The following MCF2L variants were observed in gnomAD, a reference collection of about 807,000 sequenced individuals.
MCF2L encodes guanine nucleotide exchange factor DBS.
MCF2L carries 97 observed loss-of-function variants against 153.4 expected under a neutral mutation model. The ratio of observed to expected loss-of-function variants is 0.63; its 90% CI spans 0.54 to 0.75. The LOEUF is 0.75. Among genes scored for constraint, MCF2L ranks in the 30% least tolerant of loss-of-function variants. The pLI, the probability that MCF2L is intolerant of heterozygous loss-of-function variation, is 0.00. For synonymous variants in MCF2L, 659 were observed against 632.2 expected (o/e 1.04, Z -0.64); for missense variants, 1,347 against 1,495.2 (o/e 0.90, Z 1.64).
At position 113,064,092 on chromosome 13, in the gene MCF2L, G is replaced by A. The variant is rs538893896; in HGVS notation, c.490-212G>A. ...ATCATAAGGGCCATAACACACACAC[G>A]CCACCACGAGAGGAGGTGTCGGCGG... is the stretch of plus-strand genomic sequence containing the variant. On this transcript the variant is annotated intron_variant, in intron 5 of 29. Coordinates refer to ENST00000535094, the MANE Select transcript of MCF2L (RefSeq NM_001112732.3). This position sits in a 1 kb window ranked among gnomAD's most constrained non-coding sequence, Gnocchi z 6.0. Among the ~76,000 whole-genome samples, 87 of 152,278 alleles carry A rather than the reference G, an allele frequency of 5.7e-4. 1 individual carries two copies. The highest frequency in any genetic ancestry group is 5.6e-4 in the Non-Finnish European group (38 of 68,024).
In MCF2L at chr13:113,054,539, C is replaced by T; in HGVS notation, c.370-6054C>T. 6.4e-6 allele frequency: 1 copy of T among 156,912 alleles called. No individual in the cohort carries two copies. The allele number at this position is 156,912 out of a possible 1,614,324, so 9.7% of individuals were successfully genotyped here. A position where few individuals can be genotyped will look rare whatever the true frequency, so the allele number is the denominator to read the frequency against. ...AGAGACACAAACAAACTTTCAAATG[C>T]ATATTTTTTATATAAACTTGTGTTT... On this transcript the variant is annotated intron_variant, in intron 4 of 29. Coordinates refer to ENST00000535094, the MANE Select transcript of MCF2L (RefSeq NM_001112732.3). This position sits in a 1 kb window ranked among gnomAD's most constrained non-coding sequence, Gnocchi z 5.2.
rs115622765 is a variant in MCF2L, at chr13:113,046,044, C to T, written c.369+683C>T. The T allele has an allele frequency of 4.9e-3, 768 of 156,078 alleles. 8 individuals carry two copies. The highest frequency in any genetic ancestry group is 0.017 in the African/African-American group (708 of 41,560). The allele number at this position is 156,078 out of a possible 1,614,324, so 9.7% of individuals were successfully genotyped here. A position where few individuals can be genotyped will look rare whatever the true frequency, so the allele number is the denominator to read the frequency against. On this transcript the variant is annotated intron_variant, in intron 4 of 29. Transcript: ENST00000535094. The surrounding 1 kb of genome is among the most constrained non-coding windows in gnomAD (Gnocchi z 4.4). ...CGAGAGTCTGTTTGCAGATTCTGCA[C>T]GCTGCCTTCCATAGCAGAAGGGGAG... is the stretch of plus-strand genomic sequence containing the variant.
At chr13:112,962,266 T>A (rs1360831593) in intron 2 of MCF2L, among the ~76,000 whole-genome samples, 6 of 151,642 alleles carry the variant, frequency 4.0e-5, no homozygotes. Flanking sequence ...TGCTCACACA[T>A]GTAGGCACAG....
chr13:112,954,656 G>A (rs929394928), intron 2 of MCF2L, among the ~76,000 whole-genome samples: 1 of 152,108 alleles, frequency 6.6e-6, no homozygotes, highest in Non-Finnish European at 1.5e-5. Context: ...TGGGCTCAGG[G>A]TGTTTTCAGC....
Position 112,951,911 on chromosome 13 carries a change from CA to C in MCF2L, c.169+49542del, listed in dbSNP as rs2081698297. 6.6e-6 allele frequency among the ~76,000 whole-genome samples: 1 copy of C among 152,216 alleles called. No individual in the cohort carries two copies. Among genetic ancestry groups the C allele is most frequent in the South Asian group, 2.1e-4 (1 of 4,832 alleles). On this transcript the variant is annotated intron_variant, in intron 2 of 29. Coordinates refer to the MCF2L transcript ENST00000375608. This position sits in a 1 kb window ranked among gnomAD's most constrained non-coding sequence, Gnocchi z 4.8. ...CAGTTCACACCTATTCACTCTCTGTCAACAAACCCACATACACGCACCGCAT... is the reference window on the plus strand; with the variant it reads ...CAGTTCACACCTATTCACTCTCTGTCACAAACCCACATACACGCACCGCAT...
chr13:113,050,531 A>G (rs906308093), intron 4 of MCF2L, among the ~76,000 whole-genome samples: 1 of 150,054 alleles, frequency 6.7e-6, no homozygotes, highest in Non-Finnish European at 1.5e-5. Context: ...GGGACCCCGG[A>G]CTTCTAGGTC....
At chr13:112,957,372 A>G (rs1223848694) in intron 2 of MCF2L, 2 of 152,232 alleles carry the variant, frequency 1.3e-5, no homozygotes, top group African/African-American at 4.8e-5. Context: ...ATGTCTCCAA[A>G]CTGTAGAGGC....
At position 112,960,298 on chromosome 13, in the gene MCF2L, G is replaced by A. The variant is rs531998680; in HGVS notation, c.170-54465G>A. ...CGGAGAGACCGAGAGGGGGCCAAGC[G>A]CGCTCTCACAACTGAAACAGCGCTC... On this transcript the variant is annotated intron_variant, in intron 2 of 29. Transcript: ENST00000375608. This position sits in a 1 kb window ranked among gnomAD's most constrained non-coding sequence, Gnocchi z 4.2. Among the ~76,000 whole-genome samples the A allele has an allele frequency of 1.3e-5, 2 of 152,228 alleles. No homozygotes were observed. The highest frequency in any genetic ancestry group is 4.1e-4 in the South Asian group (2 of 4,820).
intron 2 of MCF2L, among the ~76,000 whole-genome samples, chr13:112,954,638 G>A (rs910526083): frequency 1.3e-5 from 2 of 152,244 alleles, no homozygotes; most frequent in African/African-American, 4.8e-5. Context: ...CTCCCGAGGG[G>A]GCATGGGTGG....
At chr13:113,007,838 G>A (rs1376758096) in intron 1 of MCF2L, among the ~76,000 whole-genome samples, 4 of 152,052 alleles carry the variant, frequency 2.6e-5, no homozygotes, top group African/African-American at 7.2e-5. Context: ...CTGCACACAC[G>A]TGTGGCCCAG....
chr13:112,968,469 C>T (rs769550852), upstream of MCF2L: 11 of 1,589,372 alleles, frequency 6.9e-6, no homozygotes, highest in East Asian at 4.5e-5. Flanking sequence ...CCAACCATGG[C>T]GAGGGTGGAG....
chr13:113,085,024 C>T (rs2034499708), intron 19 of MCF2L, 40 bp downstream of exon 19: 1 of 1,611,798 alleles, frequency 6.2e-7, no homozygotes, highest in African/African-American at 1.3e-5. Flanking sequence ...TACTCCCTTT[C>T]CTAGCCGACT....
intron 17 of MCF2L, among the ~76,000 whole-genome samples, chr13:113,083,791 TAA>T (rs934922137): frequency 4.6e-4 from 70 of 152,320 alleles, no homozygotes; most frequent in African/African-American, 1.6e-3. Context: ...GCCAGAAATA[TAA>T]AGAGACTCAG....
chr13:113,074,820 C>G lies in MCF2L; in HGVS notation c.1117-178C>G, dbSNP rs1218206992. On this transcript the variant is annotated intron_variant, in intron 10 of 29. Coordinates refer to ENST00000535094, the MANE Select transcript of MCF2L (RefSeq NM_001112732.3). The surrounding 1 kb of genome is among the most constrained non-coding windows in gnomAD (Gnocchi z 4.2). ...TGCCTTTGCTGGGACCACCACAGCC[C>G]CCAGAAGCACTTGCCACAGAACAGC... Among the ~76,000 whole-genome samples the G allele has an allele frequency of 6.6e-6, 1 of 152,100 alleles. No individual in the cohort carries two copies. The highest frequency in any genetic ancestry group is 1.5e-5 in the Non-Finnish European group (1 of 68,032).
chr13:112,958,425 G>GGGGC (rs1318400841), intron 2 of MCF2L, among the ~76,000 whole-genome samples: 8 of 152,212 alleles, frequency 5.3e-5, no homozygotes, highest in Admixed American at 4.6e-4. Context: ...CCACTGTGGA[G>GGGGC]GGGCACATGC....
rs182308637 is a variant in MCF2L, at chr13:113,017,888, A to G, written c.163+3042A>G. On this transcript the variant is annotated intron_variant, in intron 2 of 29. Coordinates refer to ENST00000535094, the MANE Select transcript of MCF2L (RefSeq NM_001112732.3). The stretch of plus-strand genomic sequence containing the variant: ...GGCTTCCGTGAAGTGCCAGAGCAAA[A>G]AACTAAAGATGTCAGGAAGGAATGG... 7.1e-4 allele frequency among the ~76,000 whole-genome samples: 108 copies of G among 152,320 alleles called. 1 individual carries two copies. Among genetic ancestry groups the G allele is most frequent in the Middle Eastern group, 3.4e-3 (1 of 294 alleles).
chr13:113,076,810 G>T (rs889822020), intron 12 of MCF2L, among the ~76,000 whole-genome samples: 3 of 152,250 alleles, frequency 2.0e-5, no homozygotes, highest in Admixed American at 6.5e-5. Context: ...AAGGCTGCAG[G>T]CCCCTCCCTC....
intron 1 of MCF2L, among the ~76,000 whole-genome samples, chr13:112,897,313 G>A (rs1414836139): frequency 6.6e-6 from 1 of 151,916 alleles, no homozygotes; most frequent in Non-Finnish European, 1.5e-5. Flanking sequence ...CATCGTGAAC[G>A]TGGTGGTCAG....
chr13:113,087,130 C>T (rs2034708307), intron 21 of MCF2L, 105 bp from the exon 22 acceptor site: 2 of 973,944 alleles, frequency 2.1e-6, no homozygotes, highest in Admixed American at 2.5e-5. Flanking sequence ...AGCTGGAATC[C>T]CACCGTGGGT....
Sources: gnomAD v4.1 joint callset for allele counts (sites outside exome capture counted in the v4.1 genomes callset) on GRCh38, gnomAD v4.1.1 for gene constraint, Gnocchi (gnomAD v3.1) non-coding constraint, MANE v1.5 for transcripts, NCBI Gene and HGNC (gene_info 2026-07-23, HGNC 2026-07-21) for gene names.